Variants in LRRN4 observed in about 807,000 individuals in gnomAD.
LRRN4 encodes the protein leucine rich repeat neuronal 4, also known as leucine-rich repeat neuronal protein 4.
Under a neutral mutation model 22.3 loss-of-function variants are expected in LRRN4, and 26 were observed. The observed-to-expected ratio is 1.16, with a 90% CI of 0.85 to 1.62. The LOEUF (loss-of-function observed/expected upper bound fraction) is 1.62. Among genes scored for constraint, LRRN4 ranks in the 40% most tolerant of loss-of-function variants. The pLI is 0.00. For synonymous variants in LRRN4, 496 were observed against 486.2 expected (o/e 1.02, Z -0.26); for missense variants, 1,070 against 1,008.5 (o/e 1.06, Z -0.83).
At chr20:6,050,750 T>C in intron 3 of LRRN4, 29 bp downstream of exon 3, 1 of 1,601,020 alleles carries the variant, frequency 6.2e-7, no homozygotes, top group African/African-American at 1.3e-5. Flanking sequence ...ATCAGTCATG[T>C]GATGAAGATG....
Position 6,042,076 on chromosome 20 carries a change from G to T in LRRN4, c.1169C>A (p.Ala390Glu), listed in dbSNP as rs1447611807. ...CCGGGTGGCGGGGGCTGCGCTGGGC[G>T]CGACGGTGGTACCCTGTGCGTAGGT... is the stretch of plus-strand genomic sequence containing the variant. The part of the protein sequence containing the change: ...RSTYAQGTTV[A>E]PSAAPATRPA... The change falls in exon 5 of 5, where the codon GCG becomes GAG. Residue 390 changes from alanine (A) to glutamate (E), a missense_variant. Coordinates refer to ENST00000378858, the MANE Select transcript of LRRN4 (RefSeq NM_152611.5). 6.2e-7 allele frequency: 1 copy of T among 1,614,088 alleles called. No individual in the cohort carries two copies. The highest frequency in any genetic ancestry group is 2.2e-5 in the East Asian group (1 of 44,876).
chr20:6,041,841 C>T lies in LRRN4; in HGVS notation c.1404G>A (p.Glu468=). 6.2e-7 allele frequency: 1 copy of T among 1,614,156 alleles called. No homozygotes were observed. Among genetic ancestry groups the T allele is most frequent in the South Asian group, 1.1e-5 (1 of 91,082 alleles). ...RGEHAPELVL[E]PDISAASTPL... ...GGGTGGAGGCAGCTGAGATATCAGGCTCAAGGACAAGCTCGGGGGCATGTT... is the reference window on the plus strand; with the variant it reads ...GGGTGGAGGCAGCTGAGATATCAGGTTCAAGGACAAGCTCGGGGGCATGTT... The change falls in exon 5 of 5, where the codon GAG becomes GAA. Residue 468 remains glutamate, a synonymous_variant. Coordinates refer to ENST00000378858, the MANE Select transcript of LRRN4 (RefSeq NM_152611.5). The surrounding 1 kb of genome is among the most constrained non-coding windows in gnomAD (Gnocchi z 9.4).
Position 6,050,874 on chromosome 20 carries a change from C to A in LRRN4, c.765G>T (p.Leu255=). The A allele has an allele frequency of 6.2e-7, 1 of 1,614,098 alleles. No homozygotes were observed. The highest frequency in any genetic ancestry group is 8.5e-7 in the Non-Finnish European group (1 of 1,179,988). ...GGGAGTCCTGACAGTCCAGCTGCTGCAGGTTGGGGGTCATCTTGAAAATGT... is the reference window on the plus strand; with the variant it reads ...GGGAGTCCTGACAGTCCAGCTGCTGAAGGTTGGGGGTCATCTTGAAAATGT... The part of the protein sequence containing the change: ...EGDIFKMTPN[L]QQLDCQDSPA... Residue 255 remains leucine (L), a synonymous_variant, in exon 3 of 5, where the codon CTG becomes CTT. Transcript: ENST00000378858.
chr20:6,044,226 C>T (rs1981047041), intron 4 of LRRN4, among the ~76,000 whole-genome samples: 2 of 152,240 alleles, frequency 1.3e-5, no homozygotes, highest in African/African-American at 4.8e-5. Flanking sequence ...AGCCAGACTA[C>T]ACTTCCCAGC....
intron 3 of LRRN4, among the ~76,000 whole-genome samples, chr20:6,048,936 G>A (rs1046783660): frequency 6.6e-6 from 1 of 152,218 alleles, no homozygotes; most frequent in African/African-American, 2.4e-5. Flanking sequence ...GCCTAGCCAG[G>A]AAGGCTGGAG....
At chr20:6,045,815 T>G (rs1028218613) in intron 3 of LRRN4, among the ~76,000 whole-genome samples, 3 of 148,232 alleles carry the variant, frequency 2.0e-5, no homozygotes, top group African/African-American at 7.5e-5. Context: ...CTGGGACTTC[T>G]CTCCATGTGT....
intron 4 of LRRN4, among the ~76,000 whole-genome samples, chr20:6,043,539 T>C (rs1003764377): frequency 6.6e-6 from 1 of 152,122 alleles, no homozygotes; most frequent in African/African-American, 2.4e-5. Context: ...CCCAGGTGCT[T>C]CTCTTTGGAG....
At chr20:6,049,215 G>A (rs949277002) in intron 3 of LRRN4, among the ~76,000 whole-genome samples, 3 of 152,140 alleles carry the variant, frequency 2.0e-5, no homozygotes, top group African/African-American at 7.2e-5. Flanking sequence ...GACCAATTAT[G>A]CTGTTCCTGA....
At chr20:6,044,458 C>T in intron 4 of LRRN4, 85 bp downstream of exon 4, 1 of 1,286,176 alleles carries the variant, frequency 7.8e-7, no homozygotes. Flanking sequence ...CAAGCATGGT[C>T]ACATGAGCAA....
chr20:6,048,371 T>C (rs1981160466), intron 3 of LRRN4, among the ~76,000 whole-genome samples: 2 of 152,216 alleles, frequency 1.3e-5, no homozygotes, highest in Non-Finnish European at 2.9e-5. Flanking sequence ...TGAATTTCTT[T>C]GGCTTCAAAT....
chr20:6,040,966 T>A lies in LRRN4; in HGVS notation c.*56A>T. The stretch of plus-strand genomic sequence containing the variant: ...ATGGGGTCGTTTTTGACCGTCTGTG[T>A]CTTCCTTTTTGCGCTCAGATCCAGT... On this transcript the variant is annotated 3_prime_UTR_variant, in exon 5 of 5. Coordinates refer to ENST00000378858, the MANE Select transcript of LRRN4 (RefSeq NM_152611.5). The A allele has an allele frequency of 6.2e-7, 1 of 1,601,578 alleles. No individual in the cohort carries two copies. The highest frequency in any genetic ancestry group is 8.5e-7 in the Non-Finnish European group (1 of 1,174,462).
At chr20:6,046,380 G>A (rs1455956030) in intron 3 of LRRN4, among the ~76,000 whole-genome samples, 1 of 148,322 alleles carries the variant, frequency 6.7e-6, no homozygotes, top group Admixed American at 6.8e-5. Flanking sequence ...TACAGGGATG[G>A]GGGGAATTAC....
intron 3 of LRRN4, among the ~76,000 whole-genome samples, chr20:6,047,789 C>CAAAAAAAAAAAA (rs11333545): frequency 7.2e-6 from 1 of 139,562 alleles, no homozygotes. Flanking sequence ...GACTCCATCT[C>CAAAAAAAAAAAA]AAAAAAAAAA....
At position 6,052,795 on chromosome 20, in the gene LRRN4, C is replaced by T. The variant is rs771652389; in HGVS notation, c.5G>A (p.Arg2Gln). 3.2e-6 allele frequency: 5 copies of T among 1,566,232 alleles called. No homozygotes were observed. Among genetic ancestry groups the T allele is most frequent in the Non-Finnish European group, 4.3e-6 (5 of 1,163,536 alleles). Residue 2 changes from arginine to glutamine, a missense_variant, in exon 2 of 5, where the codon CGG becomes CAG. Coordinates refer to ENST00000378858, the MANE Select transcript of LRRN4 (RefSeq NM_152611.5). ...CAGCAGCAGCAGCGGTAGGGTTTGC[C>T]GCATGGCGTCTGGGGAGAGAACAGC... The part of the protein sequence containing the change: M[R>Q]QTLPLLLLTV...
intron 4 of LRRN4, among the ~76,000 whole-genome samples, chr20:6,042,817 G>A (rs1440188099): frequency 6.6e-6 from 1 of 151,444 alleles, no homozygotes; most frequent in African/African-American, 2.4e-5. Flanking sequence ...TACTCAGGAG[G>A]CAGAGGCAGG....
chr20:6,049,320 TATG>T (rs1981188621), intron 3 of LRRN4, among the ~76,000 whole-genome samples: 1 of 152,188 alleles, frequency 6.6e-6, no homozygotes, highest in Non-Finnish European at 1.5e-5. Context: ...CATGATGTGT[TATG>T]ATAAGTGGCA....
intron 4 of LRRN4, 69 bp from the exon 5 acceptor site, chr20:6,042,315 C>T (rs1980987797): frequency 2.7e-6 from 4 of 1,498,548 alleles, no homozygotes; most frequent in East Asian, 2.3e-5. Context: ...GCTTTGAATC[C>T]TCATTGCCGA....
Position 6,052,464 on chromosome 20 carries a change from G to C in LRRN4, c.336C>G (p.Ala112=), listed in dbSNP as rs947742255. The C allele has an allele frequency of 1.9e-6, 3 of 1,562,784 alleles. No homozygotes were observed. Among genetic ancestry groups the C allele is most frequent in the African/African-American group, 1.4e-5 (1 of 73,742 alleles). The change falls in exon 2 of 5, where the codon GCC becomes GCG. Residue 112 remains alanine, a synonymous_variant. Transcript: ENST00000378858. ...GCCCACCCGGGCCCCAGCGCAGCGC[G>C]GCGATGCGGTTGTGGCGCAGGGTCA... The part of the protein sequence containing the change: ...QVLTLRHNRI[A]ALRWGPGGPA...
At chr20:6,045,487 A>G (rs1981081011) in intron 3 of LRRN4, among the ~76,000 whole-genome samples, 1 of 148,470 alleles carries the variant, frequency 6.7e-6, no homozygotes, top group South Asian at 2.1e-4. Context: ...ACACACACAC[A>G]AAAAAGAATG....
Sources: allele counts gnomAD v4.1 joint callset (sites outside exome capture counted in the v4.1 genomes callset), GRCh38; gene constraint gnomAD v4.1.1; non-coding constraint Gnocchi (gnomAD v3.1); transcripts MANE v1.5; gene names NCBI Gene and HGNC (gene_info 2026-07-23, HGNC 2026-07-21).